Variants in SLAMF7 observed in about 807,000 individuals in gnomAD.
SLAMF7 encodes the protein SLAM family member 7, also known as 19A24 protein.
Under a neutral mutation model 34.1 loss-of-function variants are expected in SLAMF7, and 26 were observed. The ratio of observed to expected loss-of-function variants is 0.76; its 90% CI spans 0.56 to 1.06. The LOEUF (loss-of-function observed/expected upper bound fraction) is 1.06, where lower values mean the gene tolerates loss of function less well. Among genes scored for constraint, SLAMF7 ranks in the 50% least tolerant of loss-of-function variants. The pLI is 0.00. For missense variants in SLAMF7, 399 were observed against 402.5 expected, an observed-to-expected ratio of 0.99 and a Z score of 0.07; for synonymous variants, 171 against 156.4, an observed-to-expected ratio of 1.09 and a Z score of -0.70.
At position 160,749,675 on chromosome 1, in the gene SLAMF7, T is replaced by C; in HGVS notation, c.377-146T>C. ...GACCTAGGTAGTTCTCTTTTCCAGA[T>C]ACGAATGAGGATTCTGCTCTGAATT... On this transcript the variant is annotated intron_variant, in intron 2 of 6. Coordinates refer to ENST00000368043, the MANE Select transcript of SLAMF7 (RefSeq NM_021181.5). 4.9e-6 allele frequency: 3 copies of C among 617,298 alleles called. No homozygotes were observed. The African/African-American group carries it at 5.4e-5, about 11-fold the overall frequency. The allele number at this position is 617,298 out of a possible 1,614,324, so 38.2% of individuals were successfully genotyped here.
rs770160295 is a variant in SLAMF7 at position 160,751,443 on chromosome 1, A to G, written c.868A>G (p.Thr290Ala). The G allele has an allele frequency of 6.8e-6, 11 of 1,611,928 alleles. No homozygotes were observed. In the Admixed American group the frequency reaches 1.7e-4, roughly 24 times the overall value. The stretch of plus-strand genomic sequence containing the variant: ...CACAGAGTACGACACAATCCCTCAC[A>G]CTAATGTGAGTCCCTTCTCATCTTT... ...ENTEYDTIPH[T>A]NRTILKEDPA... The change falls in exon 5 of 7, where the codon ACT (threonine) becomes GCT (alanine). Residue 290 changes from threonine to alanine, a missense_variant. Physicochemically the swap from Thr to Ala is moderately conservative, Grantham distance 58. Transcript: ENST00000368043.
At chr1:160,749,271 C>A (rs1306862635) in intron 2 of SLAMF7, among the ~76,000 whole-genome samples, 1 of 152,214 alleles carries the variant, frequency 6.6e-6, no homozygotes, top group South Asian at 2.1e-4. Context: ...TTAACTGCAA[C>A]CTTTAACGTC....
chr1:160,744,937 C>T (rs955850515), intron 1 of SLAMF7, among the ~76,000 whole-genome samples: 2 of 152,032 alleles, frequency 1.3e-5, no homozygotes, highest in Non-Finnish European at 2.9e-5. Flanking sequence ...AGAGAGCAGT[C>T]GAAAAACCAT....
Position 160,753,126 on chromosome 1 carries a change from G to C in SLAMF7, c.957G>C (p.Leu319=). The change falls in exon 7 of 7, where the codon CTG becomes CTC. Residue 319 remains leucine (L), a synonymous_variant. Coordinates refer to ENST00000368043, the MANE Select transcript of SLAMF7 (RefSeq NM_021181.5). ...TTCAGATGGAAAATCCCCACTCACTGCTCACGATGCCAGACACACCAAGGC... is the reference window on the plus strand; with the variant it reads ...TTCAGATGGAAAATCCCCACTCACTCCTCACGATGCCAGACACACCAAGGC... ...IPKKMENPHS[L]LTMPDTPRLF... is the part of the protein sequence containing the mutation. The C allele has an allele frequency of 6.2e-7, 1 of 1,613,534 alleles. No homozygotes were observed. The highest frequency in any genetic ancestry group is 1.1e-5 in the South Asian group (1 of 91,076).
In SLAMF7 at chr1:160,753,187, C is replaced by A. The variant is rs1323893424; in HGVS notation, c.*10C>A. 1.2e-6 allele frequency: 2 copies of A among 1,603,370 alleles called. No individual in the cohort carries two copies. Among genetic ancestry groups the A allele is most frequent in the Non-Finnish European group, 1.7e-6 (2 of 1,172,202 alleles). On this transcript the variant is annotated 3_prime_UTR_variant, in exon 7 of 7. Coordinates refer to ENST00000368043, the MANE Select transcript of SLAMF7 (RefSeq NM_021181.5). ...TGAGAATGTTATCTAGACAGCAGTG[C>A]ACTCCCCTAAGTCTCTGCTCAAAAA... is the stretch of plus-strand genomic sequence containing the variant.
In SLAMF7 at chr1:160,753,419, G is replaced by C. The variant is rs1664792106; in HGVS notation, c.*242G>C. The C allele has an allele frequency of 1.9e-6, 1 of 518,944 alleles. No homozygotes were observed. Among genetic ancestry groups the C allele is most frequent in the Non-Finnish European group, 3.4e-6 (1 of 292,268 alleles). The allele number at this position is 518,944 out of a possible 1,614,324, so 32.1% of individuals were successfully genotyped here. A position where few individuals can be genotyped will look rare whatever the true frequency, so the allele number is the denominator to read the frequency against. On this transcript the variant is annotated 3_prime_UTR_variant, in exon 7 of 7. Coordinates refer to ENST00000368043, the MANE Select transcript of SLAMF7 (RefSeq NM_021181.5). ...ATCACTTCATCCCAAAAATGGGATT[G>C]TGAATGTCAGCAAACCATAAAAAAA...
In SLAMF7 at chr1:160,750,344, T is replaced by C. The variant is rs550794747; in HGVS notation, c.690T>C (p.Cys230=). 2.4e-5 allele frequency: 38 copies of C among 1,614,114 alleles called. No homozygotes were observed. The East Asian group carries it at 8.0e-4, about 34-fold the overall frequency. The change falls in exon 4 of 7, where the codon TGT becomes TGC. Residue 230 remains cysteine, a synonymous_variant. Coordinates refer to ENST00000368043, the MANE Select transcript of SLAMF7 (RefSeq NM_021181.5). Reference sequence around the variant, plus strand: ...CAGATTCCTCCATGGTCCTCCTGTGTCTCCTGTTGGTGCCCCTCCTGCTCA... The same window carrying C: ...CAGATTCCTCCATGGTCCTCCTGTGCCTCCTGTTGGTGCCCCTCCTGCTCA... ...DDPDSSMVLL[C]LLLVPLLLSL... is the part of the protein sequence containing the mutation.
chr1:160,748,506 A>C lies in SLAMF7; in HGVS notation c.368A>C (p.His123Pro). ...CCCTCCACCCAGGAGTACGTGCTGC[A>C]TGTCTACGGTGAGCAAAATCAGTTC... ...QQPSTQEYVLHVYEHLSKPKV... is the reference protein window; with the variant it reads ...QQPSTQEYVLPVYEHLSKPKV... The change falls in exon 2 of 7, where the codon CAT becomes CCT. Residue 123 changes from histidine (H) to proline (P), a missense_variant. His to Pro is a moderately conservative substitution (Grantham distance 77, BLOSUM62 -2). Transcript: ENST00000368043. 1 of 1,609,100 alleles carries C rather than the reference A, an allele frequency of 6.2e-7. No individual in the cohort carries two copies. The highest frequency in any genetic ancestry group is 8.5e-7 in the Non-Finnish European group (1 of 1,176,180).
At position 160,753,291 on chromosome 1, in the gene SLAMF7, C is replaced by T. The variant is rs994970373; in HGVS notation, c.*114C>T. 51 of 889,704 alleles carry T rather than the reference C, an allele frequency of 5.7e-5. No homozygotes were observed. Among genetic ancestry groups the T allele is most frequent in the South Asian group, 5.0e-4 (32 of 63,598 alleles). 55.1% of individuals were successfully genotyped at this position (889,704 alleles called of 1,614,324 possible). A position where few individuals can be genotyped will look rare whatever the true frequency, so the allele number is the denominator to read the frequency against. Reference sequence around the variant, plus strand: ...AGAAACATCAAGGAAGAATGAAGAACGTTGACTTTTTTCCAGGATAAATTA... The same window carrying T: ...AGAAACATCAAGGAAGAATGAAGAATGTTGACTTTTTTCCAGGATAAATTA... On this transcript the variant is annotated 3_prime_UTR_variant, in exon 7 of 7. Coordinates refer to ENST00000368043, the MANE Select transcript of SLAMF7 (RefSeq NM_021181.5).
At chr1:160,750,233 G>T in intron 3 of SLAMF7, 71 bp from the exon 4 acceptor site, 1 of 1,588,018 alleles carries the variant, frequency 6.3e-7, no homozygotes, top group Non-Finnish European at 8.6e-7. Flanking sequence ...GGTGGCAGGT[G>T]CTCCAAGACC....
intron 1 of SLAMF7, chr1:160,739,887 C>T (rs560157412): frequency 6.5e-6 from 1 of 153,558 alleles, no homozygotes; most frequent in South Asian, 2.0e-4. Flanking sequence ...CCAACTCATA[C>T]CATAGGCACT....
chr1:160,744,510 G>A (rs371784280), intron 1 of SLAMF7, among the ~76,000 whole-genome samples: 35 of 152,290 alleles, frequency 2.3e-4, no homozygotes, highest in Admixed American at 4.6e-4. Context: ...GAAACAATGC[G>A]TTTGGCAACA....
At chr1:160,742,335 C>T (rs776025466) in intron 1 of SLAMF7, among the ~76,000 whole-genome samples, 2 of 152,212 alleles carry the variant, frequency 1.3e-5, no homozygotes, top group Non-Finnish European at 2.9e-5. Context: ...CCAGCTCCCT[C>T]CACCTTCAAA....
intron 1 of SLAMF7, among the ~76,000 whole-genome samples, chr1:160,747,547 G>A (rs1341209708): frequency 6.6e-6 from 1 of 152,052 alleles, no homozygotes; most frequent in African/African-American, 2.4e-5. Flanking sequence ...AGGTAAGATG[G>A]CACACACCTG....
intron 1 of SLAMF7, chr1:160,739,724 C>T (rs768895071): frequency 1.3e-4 from 26 of 206,050 alleles, no homozygotes; most frequent in Admixed American, 5.7e-4. Context: ...TTGAGGGCAA[C>T]TTTAAGAACA....
At position 160,752,051 on chromosome 1, in the gene SLAMF7, G is replaced by C; in HGVS notation, c.874-135G>C. 9.1e-6 allele frequency: 6 copies of C among 661,792 alleles called. No homozygotes were observed. The Admixed American group carries it at 1.4e-4, about 16-fold the overall frequency. 41.0% of individuals were successfully genotyped at this position (661,792 alleles called of 1,614,324 possible). A position where few individuals can be genotyped will look rare whatever the true frequency, so the allele number is the denominator to read the frequency against. ...CTTCCTACCTCCCTTCCCTGTTCCA[G>C]AACCCTCCTTTTCCTCTCACATCTC... On this transcript the variant is annotated intron_variant, in intron 5 of 6. Coordinates refer to ENST00000368043, the MANE Select transcript of SLAMF7 (RefSeq NM_021181.5).
At chr1:160,743,497 C>T (rs931162688) in intron 1 of SLAMF7, among the ~76,000 whole-genome samples, 2 of 152,228 alleles carry the variant, frequency 1.3e-5, no homozygotes, top group Non-Finnish European at 2.9e-5. Context: ...GAACTAATTA[C>T]TGTACATGAG....
Position 160,748,189 on chromosome 1 carries a change from T to A in SLAMF7, c.56-5T>A. ...GGCTTATTTTATGGTTCTCTGTGTT[T>A]ATAGGGTCAGCAGCCTCTGGACCCG... On this transcript the variant is annotated splice_polypyrimidine_tract_variant and splice_region_variant and intron_variant, in intron 1 of 6. Coordinates refer to ENST00000368043, the MANE Select transcript of SLAMF7 (RefSeq NM_021181.5). The A allele has an allele frequency of 6.2e-7, 1 of 1,613,134 alleles. No homozygotes were observed. Among genetic ancestry groups the A allele is most frequent in the Non-Finnish European group, 8.5e-7 (1 of 1,179,480 alleles).
intron 1 of SLAMF7, among the ~76,000 whole-genome samples, chr1:160,743,497 CT>C (rs1402116402): frequency 6.6e-6 from 1 of 152,228 alleles, no homozygotes; most frequent in African/African-American, 2.4e-5. Flanking sequence ...GAACTAATTA[CT>C]GTACATGAGA....
Sources: gnomAD v4.1 joint callset for allele counts (sites outside exome capture counted in the v4.1 genomes callset) on GRCh38, gnomAD v4.1.1 for gene constraint, MANE v1.5 for transcripts, NCBI Gene and HGNC (gene_info 2026-07-23, HGNC 2026-07-21) for gene names.